Variants in TCERG1L observed in about 807,000 individuals in gnomAD.
The protein encoded by TCERG1L is transcription elongation regulator 1 like.
Under a neutral mutation model 56.3 loss-of-function variants are expected in TCERG1L, and 37 were observed. The observed-to-expected ratio is 0.66, with a 90% CI of 0.51 to 0.87. The LOEUF (loss-of-function observed/expected upper bound fraction) is 0.87, where lower values mean the gene tolerates loss of function less well. TCERG1L is among the 40% of genes least tolerant of loss of function. The pLI is 0.00. For missense variants in TCERG1L, 799 were observed against 774.2 expected, an observed-to-expected ratio of 1.03 and a Z score of -0.38; for synonymous variants, 324 against 326.3, an observed-to-expected ratio of 0.99 and a Z score of 0.08.
intron 6 of TCERG1L, among the ~76,000 whole-genome samples, chr10:131,155,171 C>A (rs1468856966): frequency 6.6e-6 from 1 of 152,218 alleles, no homozygotes; most frequent in Non-Finnish European, 1.5e-5. Context: ...ACAACGGAGG[C>A]TTCTTGGCTG....
At chr10:131,245,552 G>A (rs916123857) in intron 4 of TCERG1L, among the ~76,000 whole-genome samples, 14 of 152,118 alleles carry the variant, frequency 9.2e-5, no homozygotes, top group African/African-American at 2.9e-4. Context: ...CGGGGGCAGC[G>A]ACAGGAAATA....
rs559550877 is a variant in TCERG1L, at chr10:131,208,151, G to A, written c.857-41266C>T. 9.2e-5 allele frequency among the ~76,000 whole-genome samples: 14 copies of A among 152,298 alleles called. No individual in the cohort carries two copies. In the South Asian group the frequency reaches 2.1e-3, roughly 23 times the overall value. On this transcript the variant is annotated intron_variant, in intron 4 of 11. Coordinates refer to ENST00000368642, the MANE Select transcript of TCERG1L (RefSeq NM_174937.4). ...GGGACTAGGTGGAGTCAATATGACC[G>A]TCACTAGTCACCTGTGATCTCTTGA...
At chr10:131,239,245 C>T (rs1453896252) in intron 4 of TCERG1L, among the ~76,000 whole-genome samples, 1 of 152,084 alleles carries the variant, frequency 6.6e-6, no homozygotes. Context: ...CTTTAATGCA[C>T]ATTTAAAAAA....
chr10:131,273,261 T>C (rs1846357408), intron 3 of TCERG1L, among the ~76,000 whole-genome samples: 1 of 152,190 alleles, frequency 6.6e-6, no homozygotes, highest in South Asian at 2.1e-4. Flanking sequence ...ATGGCCAGAA[T>C]GGAGGCCCCA....
At chr10:131,217,917 G>C (rs969737446) in intron 4 of TCERG1L, among the ~76,000 whole-genome samples, 8 of 151,908 alleles carry the variant, frequency 5.3e-5, no homozygotes, top group Non-Finnish European at 1.0e-4. Context: ...GTACAGACGA[G>C]GTTTCACCAT....
At chr10:131,232,259 C>T (rs1001795844) in intron 4 of TCERG1L, among the ~76,000 whole-genome samples, 1 of 152,256 alleles carries the variant, frequency 6.6e-6, no homozygotes, top group African/African-American at 2.4e-5. Context: ...GACCCCATCA[C>T]TCCATATAGG....
At chr10:131,138,934 G>A (rs1321715849) in intron 7 of TCERG1L, among the ~76,000 whole-genome samples, 1 of 152,176 alleles carries the variant, frequency 6.6e-6, no homozygotes, top group Non-Finnish European at 1.5e-5. Context: ...TAATAATATT[G>A]TAGCCAAACA....
chr10:131,168,965 C>T (rs540664424), intron 4 of TCERG1L, among the ~76,000 whole-genome samples: 10 of 152,324 alleles, frequency 6.6e-5, no homozygotes, highest in Non-Finnish European at 1.0e-4. Context: ...AAGGGACTAT[C>T]GGCTTTTCAC....
intron 3 of TCERG1L, among the ~76,000 whole-genome samples, chr10:131,284,608 C>T (rs1846498712): frequency 6.6e-6 from 1 of 151,946 alleles, no homozygotes; most frequent in Non-Finnish European, 1.5e-5. Context: ...AAAGTTGTTT[C>T]TTTGAAGAAC....
chr10:131,291,862 A>C (rs971113884), intron 3 of TCERG1L, among the ~76,000 whole-genome samples: 2 of 152,086 alleles, frequency 1.3e-5, no homozygotes, highest in Non-Finnish European at 2.9e-5. Context: ...TGATCCATCT[A>C]CCTGTGTTGA....
intron 4 of TCERG1L, among the ~76,000 whole-genome samples, chr10:131,256,279 A>G (rs1339551783): frequency 1.3e-5 from 2 of 152,216 alleles, no homozygotes; most frequent in African/African-American, 4.8e-5. Context: ...AGCAACATGA[A>G]AGGCTGCGTG....
At chr10:131,158,546 C>T (rs1029156701) in intron 6 of TCERG1L, among the ~76,000 whole-genome samples, 1 of 152,226 alleles carries the variant, frequency 6.6e-6, no homozygotes, top group South Asian at 2.1e-4. Flanking sequence ...ATTCCAGCTG[C>T]CCCCAGATGG....
intron 4 of TCERG1L, among the ~76,000 whole-genome samples, chr10:131,170,996 A>C (rs1400699814): frequency 1.3e-5 from 2 of 152,122 alleles, no homozygotes; most frequent in Non-Finnish European, 2.9e-5. Flanking sequence ...AAATACAAAA[A>C]TTAGCTGGGC....
At chr10:131,278,296 C>A (rs914668663) in intron 3 of TCERG1L, among the ~76,000 whole-genome samples, 2 of 151,896 alleles carry the variant, frequency 1.3e-5, no homozygotes, top group Admixed American at 1.3e-4. Context: ...GAGGCCCCCC[C>A]TCCTGTCCTC....
At chr10:131,119,368 G>T (rs1048128687) in intron 8 of TCERG1L, among the ~76,000 whole-genome samples, 2 of 152,196 alleles carry the variant, frequency 1.3e-5, no homozygotes, top group African/African-American at 4.8e-5. Flanking sequence ...TATTCCAGGA[G>T]AATTTACATT....
chr10:131,282,120 A>G (rs1846463959), intron 3 of TCERG1L, among the ~76,000 whole-genome samples: 1 of 141,038 alleles, frequency 7.1e-6, no homozygotes. Flanking sequence ...TGGGCGAAAG[A>G]GCAAGACTCC....
chr10:131,136,251 G>A (rs556867054), intron 7 of TCERG1L, among the ~76,000 whole-genome samples: 29 of 152,310 alleles, frequency 1.9e-4, no homozygotes, highest in African/African-American at 5.3e-4. Flanking sequence ...GCCCAACACA[G>A]CCCTCCAGGC....
chr10:131,200,642 C>CA (rs1845421943), intron 4 of TCERG1L, among the ~76,000 whole-genome samples: 2 of 152,146 alleles, frequency 1.3e-5, no homozygotes, highest in Admixed American at 6.5e-5. Flanking sequence ...CTTTGGGTCT[C>CA]ACTCATATGA....
intron 4 of TCERG1L, among the ~76,000 whole-genome samples, chr10:131,223,983 C>T (rs774088576): frequency 4.6e-5 from 7 of 152,166 alleles, no homozygotes; most frequent in South Asian, 4.2e-4. Context: ...CTGCATTCCC[C>T]GTGGTGAGAA....
Sources: gnomAD v4.1 joint callset for allele counts (sites outside exome capture counted in the v4.1 genomes callset) on GRCh38, gnomAD v4.1.1 for gene constraint, MANE v1.5 for transcripts, NCBI Gene and HGNC (gene_info 2026-07-23, HGNC 2026-07-21) for gene names.